Variants in CCDC178 observed in about 807,000 individuals in gnomAD.
CCDC178 encodes coiled-coil domain-containing protein 178.
A neutral mutation model predicts 117.4 loss-of-function variants in CCDC178; 126 were observed. The ratio of observed to expected loss-of-function variants is 1.07; its 90% CI spans 0.93 to 1.24. The LOEUF (loss-of-function observed/expected upper bound fraction) is 1.24, where lower values mean the gene tolerates loss of function less well. Among genes scored for constraint, CCDC178 ranks in the 50% most tolerant of loss-of-function variants. The probability of loss-of-function intolerance (pLI) is 0.00; values close to 1 mark genes in which losing one functional copy is unlikely to be tolerated. For missense variants in CCDC178, 1,030 were observed against 986.9 expected (o/e 1.04, Z -0.59); for synonymous variants, 283 against 313.4 (o/e 0.90, Z 1.02).
intron 9 of CCDC178, among the ~76,000 whole-genome samples, chr18:33,337,157 A>G (rs1331804341): frequency 1.4e-5 from 2 of 143,510 alleles, no homozygotes; most frequent in East Asian, 4.0e-4. Flanking sequence ...TTTTGCAGCT[A>G]TCATGAAAGG....
chr18:33,306,239 T>C (rs113974042), intron 11 of CCDC178, among the ~76,000 whole-genome samples: 3 of 152,236 alleles, frequency 2.0e-5, no homozygotes, highest in African/African-American at 7.2e-5. Context: ...CCTCTTTATC[T>C]AACTTTTGGT....
intron 7 of CCDC178, among the ~76,000 whole-genome samples, chr18:33,353,650 C>G (rs1352348012): frequency 2.0e-5 from 3 of 151,890 alleles, no homozygotes; most frequent in African/African-American, 7.3e-5. Context: ...AATAGTATAC[C>G]TATCTATTTA....
intron 21 of CCDC178, among the ~76,000 whole-genome samples, chr18:33,081,103 AGAG>A (rs2145033302): frequency 6.6e-6 from 1 of 152,316 alleles, no homozygotes; most frequent in East Asian, 1.9e-4. Context: ...CAGGCTGAAC[AGAG>A]GAGGACATAT....
At chr18:33,021,096 C>T (rs1175310946) in intron 21 of CCDC178, among the ~76,000 whole-genome samples, 1 of 152,190 alleles carries the variant, frequency 6.6e-6, no homozygotes, top group Non-Finnish European at 1.5e-5. Context: ...CAGCAACCAA[C>T]ATTACATACA....
chr18:33,033,923 C>G (rs1011261464), intron 21 of CCDC178, among the ~76,000 whole-genome samples: 4 of 151,518 alleles, frequency 2.6e-5, no homozygotes, highest in African/African-American at 7.3e-5. Flanking sequence ...AAGACAATAT[C>G]TGTGTGTGTG....
Position 33,109,127 on chromosome 18 carries a change from C to T in CCDC178, c.2239-16217G>A, listed in dbSNP as rs28505287. 2.9e-3 allele frequency among the ~76,000 whole-genome samples: 440 copies of T among 151,672 alleles called. 3 individuals carry two copies. Among genetic ancestry groups the T allele is most frequent in the African/African-American group, 9.7e-3 (404 of 41,460 alleles). On this transcript the variant is annotated intron_variant, in intron 20 of 22. Coordinates refer to ENST00000383096, the MANE Select transcript of CCDC178 (RefSeq NM_001105528.4). ...AGTAAGATTCAAGTATGACAATGAA[C>T]GAAATACCTACATTACAGCTTTTTG...
intron 22 of CCDC178, among the ~76,000 whole-genome samples, chr18:32,972,505 A>AT (rs1173192541): frequency 6.6e-6 from 1 of 151,956 alleles, no homozygotes; most frequent in African/African-American, 2.4e-5. Context: ...TCTACGGGCT[A>AT]TTTTTTGGTG....
Position 33,197,523 on chromosome 18 carries a change from T to A in CCDC178, c.2238+14373A>T, listed in dbSNP as rs1373974687. ...GTGAAACTTAAAAGCTGAGTGATTATGAGAAAGTCTTGTTTAATATCTCTA... is the reference window on the plus strand; with the variant it reads ...GTGAAACTTAAAAGCTGAGTGATTAAGAGAAAGTCTTGTTTAATATCTCTA... On this transcript the variant is annotated intron_variant, in intron 20 of 22. Transcript: ENST00000383096. Among the ~76,000 whole-genome samples the A allele has an allele frequency of 4.6e-5, 7 of 152,148 alleles. No homozygotes were observed. In the East Asian group the frequency reaches 1.4e-3, roughly 29 times the overall value.
At position 32,995,709 on chromosome 18, in the gene CCDC178, G is replaced by A. The variant is rs1380116108; in HGVS notation, c.2389-21028C>T. On this transcript the variant is annotated intron_variant, in intron 21 of 22. Transcript: ENST00000383096. ...ACTGAGAAGGTACTATTAGACTTGC[G>A]CCATTCTACAAAAGCATGGTACATT... is the stretch of plus-strand genomic sequence containing the variant. Among the ~76,000 whole-genome samples, 8 of 151,918 alleles carry A rather than the reference G, an allele frequency of 5.3e-5. No homozygotes were observed. The South Asian group carries it at 1.0e-3, about 20-fold the overall frequency.
rs540838404 is a variant in CCDC178, at chr18:32,964,848, C to A, written c.2523+9699G>T. ...CCTTTGAACTGTTTATTTACACAAGCATTAATGCAAAAAACATTTCTAGAA... is the reference window on the plus strand; with the variant it reads ...CCTTTGAACTGTTTATTTACACAAGAATTAATGCAAAAAACATTTCTAGAA... On this transcript the variant is annotated intron_variant, in intron 22 of 22. Transcript: ENST00000383096. Among the ~76,000 whole-genome samples the A allele has an allele frequency of 2.0e-4, 31 of 152,054 alleles. No individual in the cohort carries two copies. The South Asian group carries it at 6.2e-3, about 31-fold the overall frequency.
chr18:33,438,543 AAC>A (rs139786250), intron 2 of CCDC178, among the ~76,000 whole-genome samples: 2,670 of 148,228 alleles, frequency 0.018, 53 homozygotes, highest in African/African-American at 0.05. Flanking sequence ...ACACACGGCA[AAC>A]ACACACACAC....
At chr18:33,199,071 G>A (rs1475701157) in intron 20 of CCDC178, among the ~76,000 whole-genome samples, 6 of 151,466 alleles carry the variant, frequency 4.0e-5, no homozygotes, top group East Asian at 1.9e-4. Flanking sequence ...GCCATTTCTC[G>A]GTAAACAAGC....
At chr18:33,428,772 T>G (rs1412092562) in intron 2 of CCDC178, among the ~76,000 whole-genome samples, 1 of 133,586 alleles carries the variant, frequency 7.5e-6, no homozygotes, top group Non-Finnish European at 1.6e-5. Context: ...AAAAAAAGAA[T>G]TAGGGAGTGG....
chr18:33,417,533 T>TACAC (rs1491256125), intron 2 of CCDC178, among the ~76,000 whole-genome samples: 9 of 39,448 alleles, frequency 2.3e-4, no homozygotes, highest in Non-Finnish European at 4.7e-4. Context: ...CACAGAGCTG[T>TACAC]ATACACACAC....
chr18:33,323,692 CTTCAA>C (rs2062548114), intron 10 of CCDC178, 59 bp from the exon 11 acceptor site: 1 of 1,060,028 alleles, frequency 9.4e-7, no homozygotes, highest in African/African-American at 1.6e-5. Flanking sequence ...AAAATAATAA[CTTCAA>C]CTTAGTGTAG....
At chr18:33,318,009 TAGG>T (rs1433774560) in intron 11 of CCDC178, among the ~76,000 whole-genome samples, 2 of 152,040 alleles carry the variant, frequency 1.3e-5, no homozygotes, top group South Asian at 2.1e-4. Flanking sequence ...GAAGAAGGCA[TAGG>T]AGGACAAAAA....
intron 11 of CCDC178, among the ~76,000 whole-genome samples, chr18:33,300,175 T>A (rs1201538839): frequency 2.0e-5 from 3 of 152,196 alleles, no homozygotes; most frequent in Non-Finnish European, 4.4e-5. Flanking sequence ...ACATGCCTGC[T>A]TGCCTGCTCC....
In CCDC178 at chr18:33,316,327, G is replaced by A. The variant is rs192361138; in HGVS notation, c.1022+7164C>T. On this transcript the variant is annotated intron_variant, in intron 11 of 22. Transcript: ENST00000383096. Reference sequence around the variant, plus strand: ...GAGGGCCCCACACTCGAAGCGGCCGGCTGCAAGCCCAGGGCAGTAAGGGGC... The same window carrying A: ...GAGGGCCCCACACTCGAAGCGGCCGACTGCAAGCCCAGGGCAGTAAGGGGC... Among the ~76,000 whole-genome samples the A allele has an allele frequency of 3.5e-3, 537 of 152,318 alleles. 2 individuals are homozygous for A. Among genetic ancestry groups the A allele is most frequent in the Admixed American group, 6.5e-3 (100 of 15,312 alleles).
intron 19 of CCDC178, among the ~76,000 whole-genome samples, chr18:33,214,850 G>T (rs893390397): frequency 6.6e-5 from 10 of 151,936 alleles, no homozygotes; most frequent in Non-Finnish European, 1.2e-4. Flanking sequence ...TTATGATTTT[G>T]CTAATGCTTG....
Sources: allele counts gnomAD v4.1 joint callset (sites outside exome capture counted in the v4.1 genomes callset), GRCh38; gene constraint gnomAD v4.1.1; transcripts MANE v1.5; gene names NCBI Gene and HGNC (gene_info 2026-07-23, HGNC 2026-07-21).